Variants in PPP1R16B observed in about 807,000 individuals in gnomAD.
The protein encoded by PPP1R16B is protein phosphatase 1 regulatory subunit 16B, also known as protein phosphatase 1 regulatory inhibitor subunit 16B.
Under a neutral mutation model 61.7 loss-of-function variants are expected in PPP1R16B, and 14 were observed. The observed-to-expected ratio is 0.23, with a 90% CI of 0.15 to 0.35. The LOEUF is 0.35. Among genes scored for constraint, PPP1R16B ranks in the 10% least tolerant of loss-of-function variants. PPP1R16B has a pLI of 1.00. For synonymous variants in PPP1R16B, 266 were observed against 305.3 expected (o/e 0.87, Z 1.34); for missense variants, 547 against 752.5 (o/e 0.73, Z 3.19).
Position 38,905,342 on chromosome 20 carries a change from CAT to C in PPP1R16B, c.697-626_697-625del, listed in dbSNP as rs570433803. 2.2e-4 allele frequency among the ~76,000 whole-genome samples: 34 copies of C among 152,298 alleles called. No individual in the cohort carries two copies. The East Asian group carries it at 6.0e-3, about 27-fold the overall frequency. On this transcript the variant is annotated intron_variant, in intron 6 of 10. Transcript: ENST00000299824. ...ATCCACTTCCAAGTCAGTTCACACA[CAT>C]GGCTGGCAAGTTAGTGCTGGCTGTT...
intron 2 of PPP1R16B, among the ~76,000 whole-genome samples, chr20:38,882,329 G>A (rs1037141369): frequency 1.3e-5 from 2 of 152,144 alleles, no homozygotes; most frequent in Non-Finnish European, 2.9e-5. Flanking sequence ...GGAGGCTCAA[G>A]GAAGGGTGTC....
chr20:38,908,175 C>T lies in PPP1R16B; in HGVS notation c.1176C>T (p.Asp392=). The change falls in exon 10 of 11, where the codon GAC becomes GAT. Residue 392 remains aspartate, a synonymous_variant. Transcript: ENST00000299824. ...YNGDIRETRT[D]QENKDPNPRL... is the part of the protein sequence containing the mutation. ...GGGACATCAGGGAGACCAGGACAGA[C>T]CAAGAGAATAAGGACCCTGTGAGTG... is the stretch of plus-strand genomic sequence containing the variant. 1 of 1,614,248 alleles carries T rather than the reference C, an allele frequency of 6.2e-7. No individual in the cohort carries two copies. Among genetic ancestry groups the T allele is most frequent in the Non-Finnish European group, 8.5e-7 (1 of 1,180,050 alleles).
At chr20:38,871,236 CCCCGTAT>C (rs1027549525) in intron 2 of PPP1R16B, among the ~76,000 whole-genome samples, 5 of 152,142 alleles carry the variant, frequency 3.3e-5, no homozygotes, top group African/African-American at 1.2e-4. Context: ...CGCACATGAA[CCCCGTAT>C]GCAAGAAGAA....
intron 2 of PPP1R16B, among the ~76,000 whole-genome samples, chr20:38,857,083 G>A (rs948646438): frequency 6.6e-6 from 1 of 152,176 alleles, no homozygotes; most frequent in Admixed American, 6.5e-5. Context: ...GAGGTCTGTT[G>A]GATAAAGTCA....
chr20:38,812,343 G>T (rs556356153), intron 1 of PPP1R16B, among the ~76,000 whole-genome samples: 2 of 152,312 alleles, frequency 1.3e-5, no homozygotes, highest in East Asian at 3.9e-4. Flanking sequence ...CTGCTTGTCA[G>T]CTTCCTGTTT....
chr20:38,879,530 T>C (rs2085190861), intron 2 of PPP1R16B, among the ~76,000 whole-genome samples: 1 of 152,236 alleles, frequency 6.6e-6, no homozygotes, highest in Non-Finnish European at 1.5e-5. Flanking sequence ...TCTGGGTATC[T>C]TTAGTTTTTT....
chr20:38,896,517 A>C (rs2085350732), intron 4 of PPP1R16B, among the ~76,000 whole-genome samples: 1 of 136,738 alleles, frequency 7.3e-6, no homozygotes, highest in East Asian at 2.1e-4. Context: ...TCTCTCCTTC[A>C]CTCTTGGTCT....
At chr20:38,851,065 C>T (rs553711856) in intron 2 of PPP1R16B, among the ~76,000 whole-genome samples, 24 of 151,934 alleles carry the variant, frequency 1.6e-4, no homozygotes, top group African/African-American at 4.6e-4. Flanking sequence ...TCAAAGTCAA[C>T]TACTGGGAAT....
At chr20:38,890,553 T>C (rs900903432) in intron 3 of PPP1R16B, among the ~76,000 whole-genome samples, 1 of 152,208 alleles carries the variant, frequency 6.6e-6, no homozygotes, top group African/African-American at 2.4e-5. Flanking sequence ...CCCTTTGTCT[T>C]CTGAAGGCCC....
chr20:38,865,289 TTTTTTC>T (rs1473806762), intron 2 of PPP1R16B, among the ~76,000 whole-genome samples: 505 of 14,964 alleles, frequency 0.034, 4 homozygotes, highest in African/African-American at 0.15. Flanking sequence ...TGCATTCTTT[TTTTTTC>T]TTTTTTTTTT....
At chr20:38,832,444 A>C (rs2084843424) in intron 1 of PPP1R16B, among the ~76,000 whole-genome samples, 1 of 152,122 alleles carries the variant, frequency 6.6e-6, no homozygotes, top group Non-Finnish European at 1.5e-5. Context: ...TGTGGTTGTG[A>C]ATTGAACTCT....
intron 2 of PPP1R16B, among the ~76,000 whole-genome samples, chr20:38,865,542 C>T (rs959748974): frequency 2.6e-5 from 4 of 152,136 alleles, no homozygotes; most frequent in African/African-American, 4.8e-5. Flanking sequence ...CCGCCTGCCT[C>T]GGCCTCCTAA....
chr20:38,807,347 G>C (rs535053506), intron 1 of PPP1R16B, among the ~76,000 whole-genome samples: 1 of 152,336 alleles, frequency 6.6e-6, no homozygotes, highest in East Asian at 1.9e-4. Context: ...CCAGGCTGTG[G>C]GGAGATGAGG....
intron 4 of PPP1R16B, among the ~76,000 whole-genome samples, chr20:38,896,757 C>T (rs2085352669): frequency 6.6e-6 from 1 of 152,204 alleles, no homozygotes; most frequent in East Asian, 1.9e-4. Flanking sequence ...ACCCATCAAA[C>T]AGTAATTCCC....
intron 3 of PPP1R16B, 73 bp from the exon 4 acceptor site, chr20:38,895,492 C>A: frequency 6.7e-7 from 1 of 1,502,412 alleles, no homozygotes; most frequent in Non-Finnish European, 9.2e-7. Context: ...TGCGGGGAAC[C>A]TGGTGTGTCC....
chr20:38,900,212 G>A (rs1223365678), intron 4 of PPP1R16B, among the ~76,000 whole-genome samples: 1 of 152,338 alleles, frequency 6.6e-6, no homozygotes, highest in East Asian at 1.9e-4. Flanking sequence ...TTGGCTCTAA[G>A]CAAGTGCCTG....
intron 6 of PPP1R16B, 71 bp from the exon 7 acceptor site, chr20:38,905,898 G>A: frequency 6.6e-7 from 1 of 1,504,842 alleles, no homozygotes; most frequent in East Asian, 2.3e-5. Flanking sequence ...GTTGGGTGAA[G>A]GTGAGAGCTA....
chr20:38,912,222 C>A (rs2085496854), intron 10 of PPP1R16B, among the ~76,000 whole-genome samples: 1 of 151,726 alleles, frequency 6.6e-6, no homozygotes, highest in Non-Finnish European at 1.5e-5. Flanking sequence ...GTCTCAGCCT[C>A]CTGAGTAGCT....
chr20:38,815,359 G>A (rs1280224464), intron 1 of PPP1R16B, among the ~76,000 whole-genome samples: 1 of 152,126 alleles, frequency 6.6e-6, no homozygotes. Flanking sequence ...GGATCTTTAA[G>A]GCTATCTGAT....
Sources: allele counts gnomAD v4.1 joint callset (sites outside exome capture counted in the v4.1 genomes callset), GRCh38; gene constraint gnomAD v4.1.1; transcripts MANE v1.5; gene names NCBI Gene and HGNC (gene_info 2026-07-23, HGNC 2026-07-21).